The following PNPLA8 variants were observed in gnomAD, a reference collection of about 807,000 sequenced individuals.
The protein encoded by PNPLA8 is calcium-independent phospholipase A2-gamma.
A neutral mutation model predicts 76.9 loss-of-function variants in PNPLA8; 39 were observed. The observed-to-expected ratio is 0.51, with a 90% CI of 0.39 to 0.66. The LOEUF is 0.66. Among genes scored for constraint, PNPLA8 ranks in the 30% least tolerant of loss-of-function variants. The pLI is 0.00. For synonymous variants in PNPLA8, 301 were observed against 307.9 expected, an observed-to-expected ratio of 0.98 and a Z score of 0.24; for missense variants, 887 against 918.0, an observed-to-expected ratio of 0.97 and a Z score of 0.44.
upstream of PNPLA8, among the ~76,000 whole-genome samples, chr7:108,527,201 T>C (rs1864128313): frequency 1.3e-5 from 2 of 152,216 alleles, no homozygotes; most frequent in South Asian, 4.1e-4. Context: ...GTAAGGTTAT[T>C]GTAAAGTCCT....
chr7:108,519,172 A>G (rs1863569162), intron 2 of PNPLA8, among the ~76,000 whole-genome samples: 1 of 152,052 alleles, frequency 6.6e-6, no homozygotes, highest in African/African-American at 2.4e-5. Flanking sequence ...GGTAAACAAA[A>G]CAAACACAGC....
Position 108,487,946 on chromosome 7 carries a change from G to C in PNPLA8, c.1691C>G (p.Ala564Gly). 6.3e-7 allele frequency: 1 copy of C among 1,596,288 alleles called. No homozygotes were observed. The highest frequency in any genetic ancestry group is 8.6e-7 in the Non-Finnish European group (1 of 1,167,900). The change falls in exon 9 of 11, where the codon GCT becomes GGT. Residue 564 changes from alanine to glycine, a missense_variant. Transcript: ENST00000257694. Reference sequence around the variant, plus strand: ...CCCTCTATTTACTATGGTACTTACAGCAGCTACCTAGTGAATGAAAAAGTG... The same window carrying C: ...CCCTCTATTTACTATGGTACTTACACCAGCTACCTAGTGAATGAAAAAGTG... ...ARNPTCPKVA[A>G]VSTIVNRGIT...
At chr7:108,490,835 T>G (rs1057119403) in intron 8 of PNPLA8, among the ~76,000 whole-genome samples, 1 of 151,942 alleles carries the variant, frequency 6.6e-6, no homozygotes, top group African/African-American at 2.4e-5. Flanking sequence ...CTTAAATCAC[T>G]AGATTTGATT....
At chr7:108,522,077 C>T (rs1303068601) in intron 1 of PNPLA8, among the ~76,000 whole-genome samples, 3 of 151,920 alleles carry the variant, frequency 2.0e-5, no homozygotes, top group African/African-American at 4.8e-5. Context: ...GGGTGGATGA[C>T]GAAGTCAGGA....
At chr7:108,499,407 T>G (rs932738405) in intron 5 of PNPLA8, among the ~76,000 whole-genome samples, 1 of 152,350 alleles carries the variant, frequency 6.6e-6, no homozygotes. Flanking sequence ...TAGGTTCTCT[T>G]ATAACAAAGA....
intron 4 of PNPLA8, among the ~76,000 whole-genome samples, chr7:108,505,918 C>T (rs1862387574): frequency 6.6e-6 from 1 of 151,770 alleles, no homozygotes; most frequent in Admixed American, 6.6e-5. Flanking sequence ...AGTTGGTGAA[C>T]CCAATGGAAA....
intron 4 of PNPLA8, chr7:108,510,639 A>G: frequency 6.4e-7 from 1 of 1,571,438 alleles, no homozygotes; most frequent in Non-Finnish European, 8.7e-7. Context: ...AGGATTGTAG[A>G]GCCATATATT....
chr7:108,479,309 A>C lies in PNPLA8; in HGVS notation c.1949T>G (p.Val650Gly). The change falls in exon 10 of 11, where the codon GTG (valine) becomes GGG (glycine). Residue 650 changes from valine (V) to glycine (G), a missense_variant. Transcript: ENST00000257694. Reference sequence around the variant, plus strand: ...CAGGGATACTATGCACTCTAACGGCACATCTGGCCAAAGACATTTACACTC... The same window carrying C: ...CAGGGATACTATGCACTCTAACGGCCCATCTGGCCAAAGACATTTACACTC... ...MHECKCLWPD[V>G]PLECIVSLGT... is the part of the protein sequence containing the mutation. The C allele has an allele frequency of 6.2e-7, 1 of 1,613,374 alleles. No individual in the cohort carries two copies. The highest frequency in any genetic ancestry group is 8.5e-7 in the Non-Finnish European group (1 of 1,179,276).
At chr7:108,479,545 CAT>C in intron 9 of PNPLA8, 166 bp from the exon 10 acceptor site, 1 of 629,208 alleles carries the variant, frequency 1.6e-6, no homozygotes, top group Middle Eastern at 2.5e-4. Context: ...TCATTGGTCT[CAT>C]AAAGAAACTT....
Position 108,472,101 on chromosome 7 carries a change from TTAATA to T in PNPLA8, c.*295_*299del. 5.1e-6 allele frequency: 1 copy of T among 196,740 alleles called. No homozygotes were observed. Among genetic ancestry groups the T allele is most frequent in the Admixed American group, 6.0e-5 (1 of 16,772 alleles). 12.2% of individuals were successfully genotyped at this position (196,740 alleles called of 1,614,324 possible). Reference sequence around the variant, plus strand: ...TTCGGTTTCTTGTTCGGCACATATATTAATATATTTTCAAACATCAAACAATATAA... The same window carrying T: ...TTCGGTTTCTTGTTCGGCACATATATTATTTTCAAACATCAAACAATATAA... On this transcript the variant is annotated 3_prime_UTR_variant, in exon 11 of 11. Transcript: ENST00000257694.
In PNPLA8 at chr7:108,487,870, G is replaced by A; in HGVS notation, c.1767C>T (p.Ile589=). The A allele has an allele frequency of 6.2e-7, 1 of 1,613,026 alleles. No individual in the cohort carries two copies. ...GACAGCCTCCCAAATAATGAGAGTT[G>A]ATTCCAGGAAAATGACCATAGTTTC... ...VFRNYGHFPG[I]NSHYLGGCQY... is the part of the protein sequence containing the mutation. Residue 589 remains isoleucine, a synonymous_variant, in exon 9 of 11, where the codon ATC becomes ATT. Coordinates refer to ENST00000257694, the MANE Select transcript of PNPLA8 (RefSeq NM_001256007.3).
At chr7:108,483,039 T>C (rs980168071) in intron 9 of PNPLA8, among the ~76,000 whole-genome samples, 1 of 152,224 alleles carries the variant, frequency 6.6e-6, no homozygotes, top group African/African-American at 2.4e-5. Flanking sequence ...GAGGGAGTGG[T>C]AGTATTTTGC....
chr7:108,514,086 G>C (rs1863121287), intron 4 of PNPLA8, 58 bp downstream of exon 4: 1 of 1,235,036 alleles, frequency 8.1e-7, no homozygotes, highest in Admixed American at 2.3e-5. Context: ...CTCCATTTTA[G>C]ATTTTTTTTA....
At chr7:108,486,913 T>C (rs1326770308) in intron 9 of PNPLA8, among the ~76,000 whole-genome samples, 2 of 152,090 alleles carry the variant, frequency 1.3e-5, no homozygotes, top group African/African-American at 4.8e-5. Flanking sequence ...TCAAGATTCC[T>C]CTCATTCTAC....
chr7:108,479,188 T>C lies in PNPLA8; in HGVS notation c.2070A>G (p.Thr690=). ...LSNVINSATD[T]EEVHIMLDGL... is the part of the protein sequence containing the mutation. ...AAAGCAGCAAACAAGACTAACCTTC[T>C]GTATCTGTAGCACTGTTGATAACAT... The change falls in exon 10 of 11, where the codon ACA becomes ACG. Residue 690 remains threonine, a synonymous_variant. Coordinates refer to ENST00000257694, the MANE Select transcript of PNPLA8 (RefSeq NM_001256007.3). The C allele has an allele frequency of 6.2e-7, 1 of 1,604,400 alleles. No individual in the cohort carries two copies. The highest frequency in any genetic ancestry group is 1.3e-5 in the African/African-American group (1 of 74,804).
intron 10 of PNPLA8, among the ~76,000 whole-genome samples, chr7:108,475,486 T>C (rs1357930581): frequency 1.3e-5 from 2 of 152,282 alleles, no homozygotes; most frequent in East Asian, 3.9e-4. Flanking sequence ...TGACAGGAAT[T>C]GTATTGAATC....
chr7:108,526,320 G>T (rs146405588), upstream of PNPLA8: 75 of 154,222 alleles, frequency 4.9e-4, no homozygotes, highest in Non-Finnish European at 8.3e-4. Flanking sequence ...GAGCATGACG[G>T]AGCGCAAGGC....
At chr7:108,510,077 AGAT>A (rs1211616975) in intron 4 of PNPLA8, among the ~76,000 whole-genome samples, 2 of 139,744 alleles carry the variant, frequency 1.4e-5, no homozygotes, top group Non-Finnish European at 3.1e-5. Flanking sequence ...ACCTAATGCT[AGAT>A]GATGAGTTAG....
chr7:108,472,868 T>C, intron 10 of PNPLA8, among the ~76,000 whole-genome samples, 193 bp from the exon 11 acceptor site: 1 of 152,330 alleles, frequency 6.6e-6, no homozygotes, highest in Middle Eastern at 3.4e-3. Context: ...AAAATTCATC[T>C]TCCAAAATAC....
Sources: gnomAD v4.1 joint callset for allele counts (sites outside exome capture counted in the v4.1 genomes callset) on GRCh38, gnomAD v4.1.1 for gene constraint, MANE v1.5 for transcripts, NCBI Gene and HGNC (gene_info 2026-07-23, HGNC 2026-07-21) for gene names.